USP50: variants seen among roughly 807,000 people sequenced by gnomAD.
USP50 encodes the protein ubiquitin specific peptidase 50.
USP50 carries 37 observed loss-of-function variants against 39.2 expected under a neutral mutation model. That is an observed-to-expected ratio of 0.94 (90% CI 0.73 to 1.24). USP50 has a LOEUF of 1.24. Among genes scored for constraint, USP50 ranks in the 50% most tolerant of loss-of-function variants. The pLI, the probability that USP50 is intolerant of heterozygous loss-of-function variation, is 0.00. For missense variants in USP50, 374 were observed against 398.2 expected (o/e 0.94, Z 0.52); for synonymous variants, 139 against 144.5 (o/e 0.96, Z 0.27).
At chr15:50,493,105 CT>C, downstream of USP50, 1 of 679,048 alleles carries the variant, frequency 1.5e-6, no homozygotes, top group Non-Finnish European at 2.6e-6. Flanking sequence ...ATCTGGTGCG[CT>C]TTTTTGCTGC....
At chr15:50,527,902 G>T (rs1190502714) in intron 6 of USP50, among the ~76,000 whole-genome samples, 1 of 152,072 alleles carries the variant, frequency 6.6e-6, no homozygotes, top group Admixed American at 6.6e-5. Flanking sequence ...CTCCCAATGT[G>T]CTGGGATTAT....
At chr15:50,520,117 G>T (rs1388997247) in intron 6 of USP50, among the ~76,000 whole-genome samples, 1 of 151,814 alleles carries the variant, frequency 6.6e-6, no homozygotes, top group East Asian at 1.9e-4. Context: ...ACCAGCTAGG[G>T]CAACATAGTG....
downstream of USP50, chr15:50,499,171 A>G (rs1447221980): frequency 2.2e-6 from 3 of 1,370,598 alleles, no homozygotes; most frequent in Non-Finnish European, 2.0e-6. Flanking sequence ...AATGGTAGCT[A>G]TAGCTGGCCA....
intron 6 of USP50, among the ~76,000 whole-genome samples, chr15:50,529,178 G>A (rs2052920985): frequency 2.0e-5 from 3 of 151,864 alleles, no homozygotes; most frequent in Non-Finnish European, 4.4e-5. Context: ...CTACTCTTTT[G>A]GGGCTTGGTC....
chr15:50,544,607 C>T lies in USP50; in HGVS notation c.228G>A (p.Lys76=). Residue 76 remains lysine (K), a synonymous_variant, in exon 2 of 7, where the codon AAG becomes AAA. Coordinates refer to ENST00000532404, the MANE Select transcript of USP50 (RefSeq NM_203494.5). ...CTTACTTTTGCAGAGCGGTGATATACTTCCCGGTGAGAAAGTATTCCACCA... is the reference window on the plus strand; with the variant it reads ...CTTACTTTTGCAGAGCGGTGATATATTTCCCGGTGAGAAAGTATTCCACCA... ...LPLVEYFLTG[K]YITALQNDCS... 6.2e-7 allele frequency: 1 copy of T among 1,613,492 alleles called. No homozygotes were observed. The highest frequency in any genetic ancestry group is 8.5e-7 in the Non-Finnish European group (1 of 1,179,748).
chr15:50,530,076 G>A (rs1004634343), intron 5 of USP50, 147 bp from the exon 6 acceptor site: 72 of 1,071,790 alleles, frequency 6.7e-5, no homozygotes, highest in South Asian at 1.1e-4. Flanking sequence ...GGAGGCCAAG[G>A]TGGACATATC....
chr15:50,525,005 C>T (rs1189596911), intron 6 of USP50, among the ~76,000 whole-genome samples: 2 of 152,064 alleles, frequency 1.3e-5, no homozygotes, highest in East Asian at 3.8e-4. Context: ...GTATTGTTCA[C>T]AATAGTCAAG....
intron 5 of USP50, among the ~76,000 whole-genome samples, chr15:50,532,679 G>A (rs60459520): frequency 6.6e-6 from 1 of 152,070 alleles, no homozygotes; most frequent in Non-Finnish European, 1.5e-5. Flanking sequence ...CAGGGGTGTG[G>A]GAATTTTCAG....
In USP50 at chr15:50,500,834, G is replaced by C; in HGVS notation, c.940C>G (p.His314Asp). 1 of 1,577,934 alleles carries C rather than the reference G, an allele frequency of 6.3e-7. No homozygotes were observed. Residue 314 changes from histidine to aspartate, a missense_variant, in exon 7 of 7, where the codon CAT (histidine) becomes GAT (aspartate). Coordinates refer to ENST00000532404, the MANE Select transcript of USP50 (RefSeq NM_203494.5). ...PKYNLCAVVN[H>D]FGDLDGGHYT... ...TGGCCACCATCCAAATCACCAAAAT[G>C]GTTCTATGGGAGAAAGGAATGTCAA...
chr15:50,493,546 G>A, downstream of USP50: 1 of 510,880 alleles, frequency 2.0e-6, no homozygotes, highest in Non-Finnish European at 3.9e-6. Flanking sequence ...TGGGGCCCAG[G>A]AGTTTGAGAC....
chr15:50,502,978 C>A (rs2052612266), intron 6 of USP50: 1 of 152,158 alleles, frequency 6.6e-6, no homozygotes, highest in African/African-American at 2.4e-5. Flanking sequence ...GTTATTTATT[C>A]AATATTCCCT....
chr15:50,543,287 TG>T (rs5812520), intron 3 of USP50, among the ~76,000 whole-genome samples: 10,026 of 152,306 alleles, frequency 0.066, 467 homozygotes, highest in African/African-American at 0.13. Context: ...AGTAGATTAG[TG>T]TTTCCAAAGC....
At chr15:50,534,398 A>G (rs1202673469) in intron 5 of USP50, among the ~76,000 whole-genome samples, 1 of 152,208 alleles carries the variant, frequency 6.6e-6, no homozygotes, top group Non-Finnish European at 1.5e-5. Flanking sequence ...GTCATATAAG[A>G]TGCTCAGTAA....
At chr15:50,541,016 G>A (rs370609154) in intron 4 of USP50, 33 bp downstream of exon 4, 28 of 1,545,194 alleles carry the variant, frequency 1.8e-5, no homozygotes, top group East Asian at 2.2e-5. Flanking sequence ...AGAGTATAGC[G>A]AGACAAAGTG....
chr15:50,537,337 C>G (rs1344838189), intron 5 of USP50, among the ~76,000 whole-genome samples: 1 of 151,752 alleles, frequency 6.6e-6, no homozygotes, highest in East Asian at 1.9e-4. Flanking sequence ...AAACAGAAAA[C>G]TACAAAACTC....
intron 5 of USP50, chr15:50,532,277 T>G (rs761032220): frequency 2.2e-6 from 1 of 454,686 alleles, no homozygotes; most frequent in Non-Finnish European, 4.4e-6. Context: ...TAAAGCACCC[T>G]GTTCGTAAAG....
chr15:50,499,843 AT>A (rs1236228815), downstream of USP50: 2 of 152,276 alleles, frequency 1.3e-5, no homozygotes, highest in Non-Finnish European at 2.9e-5. Flanking sequence ...AAAACCATAG[AT>A]TTTATATACA....
chr15:50,534,814 T>C (rs1055356655), intron 5 of USP50, among the ~76,000 whole-genome samples: 5 of 152,080 alleles, frequency 3.3e-5, no homozygotes, highest in Non-Finnish European at 7.4e-5. Flanking sequence ...ATTATTAACA[T>C]ATATGCACCT....
chr15:50,507,144 C>T (rs1442618509), intron 6 of USP50: 1 of 151,872 alleles, frequency 6.6e-6, no homozygotes, highest in Non-Finnish European at 1.5e-5. Context: ...TTAGCTGGGT[C>T]TGGTGGCACA....
Sources: allele counts gnomAD v4.1 joint callset (sites outside exome capture counted in the v4.1 genomes callset), GRCh38; gene constraint gnomAD v4.1.1; transcripts MANE v1.5; gene names NCBI Gene and HGNC (gene_info 2026-07-23, HGNC 2026-07-21).